The following DLGAP2 variants were observed in gnomAD, a reference collection of about 807,000 sequenced individuals.
DLGAP2 encodes DLG associated protein 2, also known as disks large-associated protein 2.
In DLGAP2, 26 loss-of-function variants were observed where a neutral mutation model predicts 100.3. The observed-to-expected ratio is 0.26, with a 90% CI of 0.19 to 0.36. The LOEUF (loss-of-function observed/expected upper bound fraction) is 0.36. Among genes scored for constraint, DLGAP2 ranks in the 10% least tolerant of loss-of-function variants. The probability of loss-of-function intolerance (pLI) is 1.00; values close to 1 mark genes in which losing one functional copy is unlikely to be tolerated. For synonymous variants in DLGAP2, 886 were observed against 630.1 expected (o/e 1.41, Z -6.08); for missense variants, 1,858 against 1,453.2 (o/e 1.28, Z -4.53).
intron 6 of DLGAP2, among the ~76,000 whole-genome samples, chr8:1,601,228 T>G (rs1193196473): frequency 1.3e-5 from 2 of 152,242 alleles, no homozygotes; most frequent in South Asian, 4.1e-4. Flanking sequence ...GATTGCTGCC[T>G]GTTCCTTCCT....
chr8:822,094 T>C (rs1426406583), intron 1 of DLGAP2: 1 of 399,054 alleles, frequency 2.5e-6, no homozygotes, highest in Non-Finnish European at 4.4e-6. Context: ...TCACCTAGGC[T>C]TTCTCGCCAT....
chr8:930,837 G>A lies in DLGAP2; in HGVS notation c.73+22871G>A, dbSNP rs182264319. On this transcript the variant is annotated intron_variant, in intron 2 of 14. Transcript: ENST00000637795. ...ACCAGGGAACTCAGATTTACATCCC[G>A]TTTATTATGTAATGGGAGGGAGGCG... is the stretch of plus-strand genomic sequence containing the variant. Among the ~76,000 whole-genome samples, 226 of 152,300 alleles carry A rather than the reference G, an allele frequency of 1.5e-3. 1 individual carries two copies. The highest frequency in any genetic ancestry group is 5.1e-3 in the African/African-American group (211 of 41,566).
chr8:1,464,179 GTCCAGGACAGCTCCCT>G (rs1398165992), intron 3 of DLGAP2, among the ~76,000 whole-genome samples: 2 of 34,392 alleles, frequency 5.8e-5, no homozygotes, highest in African/African-American at 2.8e-4. Context: ...GACAGCACCC[GTCCAGGACAGCTCCCT>G]TCCAGGACAA....
At chr8:1,007,324 C>T (rs1293985471) in intron 2 of DLGAP2, among the ~76,000 whole-genome samples, 1 of 152,218 alleles carries the variant, frequency 6.6e-6, no homozygotes, top group African/African-American at 2.4e-5. Context: ...CAGCCGCTCT[C>T]AGGTGCCCAC....
intron 2 of DLGAP2, among the ~76,000 whole-genome samples, chr8:1,207,473 C>G (rs149370788): frequency 1.3e-5 from 2 of 152,046 alleles, no homozygotes; most frequent in Admixed American, 6.6e-5. Context: ...TTTTTTTACT[C>G]ATTAGTTGAT....
At chr8:1,654,465 C>T (rs1249307525) in intron 8 of DLGAP2, among the ~76,000 whole-genome samples, 2 of 151,778 alleles carry the variant, frequency 1.3e-5, no homozygotes, top group Non-Finnish European at 2.9e-5. Context: ...AGTTCGAGAC[C>T]ACCCTGGCCA....
intron 2 of DLGAP2, among the ~76,000 whole-genome samples, chr8:1,205,097 G>A (rs549030356): frequency 1.1e-4 from 17 of 152,304 alleles, no homozygotes; most frequent in Admixed American, 2.6e-4. Context: ...TTTCCTGTCC[G>A]TCAAGGAGGG....
At chr8:959,179 A>G (rs1799664623) in intron 2 of DLGAP2, among the ~76,000 whole-genome samples, 1 of 152,202 alleles carries the variant, frequency 6.6e-6, no homozygotes, top group Non-Finnish European at 1.5e-5. Context: ...TTTTTAATAA[A>G]CTTGCTTATA....
intron 3 of DLGAP2, among the ~76,000 whole-genome samples, chr8:1,267,245 A>G (rs1259259783): frequency 1.6e-5 from 1 of 63,388 alleles, no homozygotes; most frequent in African/African-American, 6.6e-5. Flanking sequence ...ATAAATAAAT[A>G]AATAAAATAA....
intron 1 of DLGAP2, among the ~76,000 whole-genome samples, chr8:740,854 A>G (rs1201158332): frequency 6.6e-6 from 1 of 152,188 alleles, no homozygotes; most frequent in African/African-American, 2.4e-5. Context: ...TAAATATTCT[A>G]TTTATTGACC....
At chr8:1,168,688 AGT>A (rs2116670951) in intron 2 of DLGAP2, among the ~76,000 whole-genome samples, 1 of 145,620 alleles carries the variant, frequency 6.9e-6, no homozygotes, top group East Asian at 2.0e-4. Flanking sequence ...TCTTTTGAGA[AGT>A]GTCTGTTCAT....
chr8:1,669,626 G>A, intron 9 of DLGAP2, 117 bp from the exon 10 acceptor site: 1 of 745,028 alleles, frequency 1.3e-6, no homozygotes. Flanking sequence ...CGTGCTGAGA[G>A]CCGGGCCCGT....
At chr8:1,423,725 C>G (rs557779642) in intron 3 of DLGAP2, among the ~76,000 whole-genome samples, 67 of 152,270 alleles carry the variant, frequency 4.4e-4, no homozygotes, top group African/African-American at 1.4e-3. Context: ...CAAGAGCACT[C>G]CAAGGGAGAG....
chr8:965,956 G>A (rs1262299386), intron 2 of DLGAP2, among the ~76,000 whole-genome samples: 1 of 152,242 alleles, frequency 6.6e-6, no homozygotes, highest in African/African-American at 2.4e-5. Context: ...GAGTCTGCAA[G>A]CAGCCAGGTA....
chr8:834,024 C>T (rs1796828033), intron 1 of DLGAP2, among the ~76,000 whole-genome samples: 2 of 152,164 alleles, frequency 1.3e-5, no homozygotes, highest in Non-Finnish European at 2.9e-5. Flanking sequence ...GGCCTGGAGA[C>T]GTTGCCCAAT....
rs35597603 is a variant in DLGAP2, at chr8:1,702,420, TA to T, written c.*1019del. The T allele has an allele frequency of 4.3e-4, 66 of 152,732 alleles. No individual in the cohort carries two copies. Among genetic ancestry groups the T allele is most frequent in the African/African-American group, 1.6e-3 (65 of 41,572 alleles). The allele number at this position is 152,732 out of a possible 1,614,324, so 9.5% of individuals were successfully genotyped here. On this transcript the variant is annotated 3_prime_UTR_variant, in exon 15 of 15. Coordinates refer to ENST00000637795, the MANE Select transcript of DLGAP2 (RefSeq NM_001346810.2). ...CTTGTTTAAAATGACAGTTGTGATG[TA>T]AAAAGTTTAAGAAATATGAATGTGA...
intron 3 of DLGAP2, among the ~76,000 whole-genome samples, chr8:1,313,659 C>A (rs573443695): frequency 6.6e-6 from 1 of 152,084 alleles, no homozygotes; most frequent in Non-Finnish European, 1.5e-5. Context: ...GGCTCTGTCC[C>A]GGGATACCTC....
chr8:1,565,779 G>C lies in DLGAP2; in HGVS notation c.1327G>C (p.Gly443Arg). 6.2e-7 allele frequency: 1 copy of C among 1,613,908 alleles called. No individual in the cohort carries two copies. The highest frequency in any genetic ancestry group is 8.5e-7 in the Non-Finnish European group (1 of 1,179,866). ...MRSGSYIKAM[G>R]DEESGESDSS... is the part of the protein sequence containing the mutation. ...AAGTGGGAGTTACATTAAAGCCATG[G>C]GGGACGAGGAGAGCGGAGAGTCAGA... The change falls in exon 6 of 15, where the codon GGG (glycine) becomes CGG (arginine). Residue 443 changes from glycine to arginine, a missense_variant. Coordinates refer to ENST00000637795, the MANE Select transcript of DLGAP2 (RefSeq NM_001346810.2).
chr8:1,442,419 C>T (rs1277956508), intron 3 of DLGAP2, among the ~76,000 whole-genome samples: 1 of 139,990 alleles, frequency 7.1e-6, no homozygotes, highest in Non-Finnish European at 1.5e-5. Context: ...CGCCAGGCTG[C>T]TGTGGGTTCA....
Sources: gnomAD v4.1 joint callset for allele counts (sites outside exome capture counted in the v4.1 genomes callset) on GRCh38, gnomAD v4.1.1 for gene constraint, MANE v1.5 for transcripts, NCBI Gene and HGNC (gene_info 2026-07-23, HGNC 2026-07-21) for gene names.